Variants in TMOD3 observed in about 807,000 individuals in gnomAD.
TMOD3 encodes the protein tropomodulin-3.
TMOD3 carries 20 observed loss-of-function variants against 39.2 expected under a neutral mutation model. That is an observed-to-expected ratio of 0.51 (90% CI 0.36 to 0.74). TMOD3 has a LOEUF of 0.74. Among genes scored for constraint, TMOD3 ranks in the 30% least tolerant of loss-of-function variants. TMOD3 has a pLI of 0.00. For missense variants in TMOD3, 381 were observed against 412.8 expected, an observed-to-expected ratio of 0.92 and a Z score of 0.67; for synonymous variants, 143 against 145.8, an observed-to-expected ratio of 0.98 and a Z score of 0.14.
chr15:51,842,051 C>T (rs2056315219), intron 1 of TMOD3, among the ~76,000 whole-genome samples: 1 of 152,222 alleles, frequency 6.6e-6, no homozygotes, highest in African/African-American at 2.4e-5. Context: ...GCTGGGATTA[C>T]AGGCGTGAGC....
At chr15:51,873,464 CT>C (rs1226438160) in intron 3 of TMOD3, among the ~76,000 whole-genome samples, 2 of 152,126 alleles carry the variant, frequency 1.3e-5, no homozygotes, top group East Asian at 3.8e-4. Flanking sequence ...AGGCATTTTA[CT>C]TTTTTGGTAC....
chr15:51,859,551 A>G, intron 1 of TMOD3: 2 of 613,182 alleles, frequency 3.3e-6, no homozygotes, highest in Non-Finnish European at 6.3e-6. Context: ...CTTATCCTTC[A>G]GGGTTACTGA....
intron 1 of TMOD3, among the ~76,000 whole-genome samples, chr15:51,837,433 T>C (rs1277360800): frequency 6.6e-6 from 1 of 152,092 alleles, no homozygotes; most frequent in Non-Finnish European, 1.5e-5. Context: ...TCTTTTTTTT[T>C]TTTTTCCTCT....
intron 3 of TMOD3, among the ~76,000 whole-genome samples, chr15:51,875,598 C>T (rs867255374): frequency 5.4e-5 from 8 of 147,976 alleles, no homozygotes; most frequent in South Asian, 2.1e-4. Context: ...ATTTACATAC[C>T]GTAAAGTACT....
At chr15:51,884,149 C>G (rs960111187) in intron 3 of TMOD3, among the ~76,000 whole-genome samples, 1 of 152,144 alleles carries the variant, frequency 6.6e-6, no homozygotes, top group Admixed American at 6.5e-5. Context: ...AACCTGTGTT[C>G]TAGTATTAGC....
intron 1 of TMOD3, among the ~76,000 whole-genome samples, chr15:51,846,432 A>C (rs147726496): frequency 2.0e-5 from 3 of 152,212 alleles, no homozygotes; most frequent in East Asian, 1.9e-4. Context: ...GTAACATTCA[A>C]CTTGCTCTCA....
chr15:51,875,781 A>C (rs79612057), intron 3 of TMOD3, among the ~76,000 whole-genome samples: 1 of 151,356 alleles, frequency 6.6e-6, no homozygotes, highest in Non-Finnish European at 1.5e-5. Flanking sequence ...ATGCCCAGCT[A>C]ATTTTTTTTT....
At chr15:51,852,535 C>T (rs1024295320) in intron 1 of TMOD3, among the ~76,000 whole-genome samples, 1 of 151,924 alleles carries the variant, frequency 6.6e-6, no homozygotes, top group Non-Finnish European at 1.5e-5. Context: ...ACTCTGAATA[C>T]TAAGCTCAAA....
intron 2 of TMOD3, among the ~76,000 whole-genome samples, chr15:51,864,279 A>AG (rs1477284516): frequency 6.6e-6 from 1 of 151,618 alleles, no homozygotes; most frequent in East Asian, 1.9e-4. Context: ...AAAAAAAAAA[A>AG]AAAACTGGAA....
chr15:51,893,220 G>T (rs1023521183), intron 5 of TMOD3, among the ~76,000 whole-genome samples: 3 of 140,144 alleles, frequency 2.1e-5, no homozygotes, highest in Non-Finnish European at 3.0e-5. Flanking sequence ...GCTTGAACGT[G>T]GGAGGAGGAG....
chr15:51,908,720 AC>A, intron 9 of TMOD3, 55 bp from the exon 10 acceptor site: 1 of 1,445,392 alleles, frequency 6.9e-7, no homozygotes, highest in Admixed American at 2.0e-5. Context: ...TAAGCAAGTT[AC>A]CATTGTAAAA....
chr15:51,891,268 A>G (rs922571729), intron 5 of TMOD3, among the ~76,000 whole-genome samples: 1 of 101,938 alleles, frequency 9.8e-6, no homozygotes, highest in African/African-American at 4.0e-5. Context: ...TTTCTGTGCC[A>G]TTTATTTTTT....
intron 8 of TMOD3, chr15:51,900,920 A>G (rs868324342): frequency 6.6e-6 from 1 of 152,324 alleles, no homozygotes; most frequent in African/African-American, 2.4e-5. Flanking sequence ...GTATATTTGT[A>G]GAGTTTTGCA....
At chr15:51,900,120 A>AACTGAAACTACTAATGACAAAC in intron 7 of TMOD3, 35 bp from the exon 8 acceptor site, 1 of 1,606,186 alleles carries the variant, frequency 6.2e-7, no homozygotes, top group Non-Finnish European at 8.5e-7. Flanking sequence ...TACTGTATCA[A>AACTGAAACTACTAATGACAAAC]ATTTTAATCT....
At chr15:51,868,533 C>T (rs933793034) in intron 2 of TMOD3, among the ~76,000 whole-genome samples, 1 of 152,050 alleles carries the variant, frequency 6.6e-6, no homozygotes, top group East Asian at 1.9e-4. Flanking sequence ...TCTATATGTC[C>T]GTGTGTTCTC....
intron 1 of TMOD3, among the ~76,000 whole-genome samples, chr15:51,837,194 G>A (rs891705980): frequency 1.3e-5 from 2 of 152,066 alleles, no homozygotes; most frequent in African/African-American, 4.8e-5. Context: ...CCATCCATGT[G>A]GAAAATTACA....
chr15:51,903,733 C>T (rs1018839193), intron 9 of TMOD3, among the ~76,000 whole-genome samples: 1 of 152,084 alleles, frequency 6.6e-6, no homozygotes, highest in Non-Finnish European at 1.5e-5. Context: ...CTTAGAGTAG[C>T]GTTTTAAGAG....
At chr15:51,890,532 A>G (rs2623263) in intron 5 of TMOD3, among the ~76,000 whole-genome samples, 100,080 of 151,708 alleles carry the variant, frequency 0.66, 34,180 homozygotes, top group East Asian at 1. Flanking sequence ...CTTGGACGTG[A>G]AGTACTCTTA....
At chr15:51,855,232 C>T (rs1567264590) in intron 1 of TMOD3, among the ~76,000 whole-genome samples, 1 of 152,206 alleles carries the variant, frequency 6.6e-6, no homozygotes. Context: ...ACCTCTAGAG[C>T]AGTAGATCTC....
Sources: allele counts gnomAD v4.1 joint callset (sites outside exome capture counted in the v4.1 genomes callset), GRCh38; gene constraint gnomAD v4.1.1; transcripts MANE v1.5; gene names NCBI Gene and HGNC (gene_info 2026-07-23, HGNC 2026-07-21).